The following ADAM22 variants were observed in gnomAD, a reference collection of about 807,000 sequenced individuals.
ADAM22 encodes the protein ADAM metallopeptidase domain 22, also known as disintegrin and metalloproteinase domain-containing protein 22.
Under a neutral mutation model 144.6 loss-of-function variants are expected in ADAM22, and 65 were observed. The ratio of observed to expected loss-of-function variants is 0.45; its 90% confidence interval spans 0.37 to 0.55. The LOEUF (loss-of-function observed/expected upper bound fraction) is 0.55. Among genes scored for constraint, ADAM22 ranks in the 20% least tolerant of loss-of-function variants. The pLI, the probability that ADAM22 is intolerant of heterozygous loss-of-function variation, is 0.00. For synonymous variants in ADAM22, 391 were observed against 412.6 expected, an observed-to-expected ratio of 0.95 and a Z score of 0.63; for missense variants, 974 against 1,184.9, an observed-to-expected ratio of 0.82 and a Z score of 2.61.
In ADAM22 at chr7:87,987,642, C is replaced by A. The variant is rs1302009581; in HGVS notation, c.323+9230C>A. On this transcript the variant is annotated intron_variant, in intron 3 of 31. Transcript: ENST00000413139. The stretch of plus-strand genomic sequence containing the variant: ...AACTATTGGATGAACAAAATCTTTG[C>A]AAGATAAAAGATTCCATTTGAATAA... Among the ~76,000 whole-genome samples, 34 of 152,160 alleles carry A rather than the reference C, an allele frequency of 2.2e-4. 1 individual carries two copies. The highest frequency in any genetic ancestry group is 2.2e-3 in the Admixed American group (34 of 15,270).
At chr7:88,166,921 C>A (rs571074431) in intron 24 of ADAM22, among the ~76,000 whole-genome samples, 22 of 152,210 alleles carry the variant, frequency 1.4e-4, no homozygotes, top group African/African-American at 5.1e-4. Flanking sequence ...GAAGGGGGGG[C>A]AGACATGCTA....
chr7:88,078,842 C>T (rs528514403), intron 4 of ADAM22, among the ~76,000 whole-genome samples: 5 of 152,274 alleles, frequency 3.3e-5, no homozygotes, highest in Admixed American at 2.0e-4. Context: ...AAATATGAGA[C>T]TATGTGAAAA....
intron 3 of ADAM22, among the ~76,000 whole-genome samples, chr7:87,983,498 T>G (rs1854223687): frequency 6.6e-6 from 1 of 152,194 alleles, no homozygotes. Flanking sequence ...GGCACTGATT[T>G]GTGTTGCACC....
At chr7:88,037,133 T>C (rs1475099834) in intron 3 of ADAM22, among the ~76,000 whole-genome samples, 7 of 152,120 alleles carry the variant, frequency 4.6e-5, no homozygotes, top group Non-Finnish European at 1.0e-4. Flanking sequence ...ATTTGCGCAG[T>C]AGAGCCTCTC....
chr7:87,994,269 T>C (rs1584891389), intron 3 of ADAM22, among the ~76,000 whole-genome samples: 2 of 152,114 alleles, frequency 1.3e-5, no homozygotes, highest in South Asian at 2.1e-4. Context: ...CACGCCATTC[T>C]CCTGCCTCAG....
At chr7:88,113,703 A>AATAAATAAATAAATAAATAAATATATAT (rs1554478726) in intron 5 of ADAM22, among the ~76,000 whole-genome samples, 1 of 48,108 alleles carries the variant, frequency 2.1e-5, no homozygotes, top group Non-Finnish European at 3.8e-5. Flanking sequence ...TAAATAAATA[A>AATAAATAAATAAATAAATAAATATATAT]ATATATATAT....
At position 88,114,634 on chromosome 7, in the gene ADAM22, A is replaced by C. The variant is rs1262444135; in HGVS notation, c.524A>C (p.Asn175Thr). ...NHTYLIEPEE[N>T]DTTQEDFHFH... The stretch of plus-strand genomic sequence containing the variant: ...ACATATCTCATTGAGCCAGAAGAAA[A>C]TGACACTACTCAAGTAAGTGCTCCT... Residue 175 changes from asparagine (N) to threonine (T), a missense_variant, in exon 6 of 32, where the codon AAT becomes ACT. Physicochemically the swap from Asn to Thr is moderately conservative, Grantham distance 65. Coordinates refer to ENST00000413139, the MANE Select transcript of ADAM22 (RefSeq NM_001324418.2). 5.6e-6 allele frequency: 9 copies of C among 1,613,826 alleles called. No homozygotes were observed. Among genetic ancestry groups the C allele is most frequent in the Non-Finnish European group, 7.6e-6 (9 of 1,179,888 alleles).
chr7:88,046,087 G>C (rs1804624034), intron 3 of ADAM22, among the ~76,000 whole-genome samples: 1 of 152,120 alleles, frequency 6.6e-6, no homozygotes, highest in African/African-American at 2.4e-5. Flanking sequence ...TACCCAGAAG[G>C]GGGAGTGCTG....
chr7:88,189,982 T>C (rs1410632923), intron 30 of ADAM22, among the ~76,000 whole-genome samples: 3 of 152,004 alleles, frequency 2.0e-5, no homozygotes, highest in Non-Finnish European at 2.9e-5. Context: ...TTCTCCTGGA[T>C]CAACCTACTA....
rs1056902043 is a variant in ADAM22 at position 88,181,976 on chromosome 7, A to G, written c.2615A>G (p.Lys872Arg). 5 of 1,613,690 alleles carry G rather than the reference A, an allele frequency of 3.1e-6. No individual in the cohort carries two copies. In the African/African-American group the frequency reaches 6.7e-5, roughly 22 times the overall value. ...TTTTCAGGTAACCTGGGAGGCAACA[A>G]AAAGAAAATCAGAGGCAAAAGATTT... Reference protein sequence around the residue: ...NSWQGNLGGNKKKIRGKRFRP... With the variant: ...NSWQGNLGGNRKKIRGKRFRP... The change falls in exon 29 of 32, where the codon AAA becomes AGA. Residue 872 changes from lysine (K) to arginine (R), a missense_variant. Lys to Arg is a conservative substitution (Grantham distance 26). This residue lies in a region of ADAM22 where 734 missense variants were observed against 950.6 expected (regional missense o/e 0.77). Transcript: ENST00000413139.
intron 29 of ADAM22, among the ~76,000 whole-genome samples, chr7:88,183,897 A>G (rs566538354): frequency 2.0e-5 from 3 of 151,922 alleles, no homozygotes; most frequent in South Asian, 4.2e-4. Flanking sequence ...GATTCCTGAT[A>G]GGTAGCATAT....
intron 13 of ADAM22, among the ~76,000 whole-genome samples, chr7:88,134,746 G>A (rs544396969): frequency 2.0e-5 from 3 of 152,058 alleles, no homozygotes; most frequent in Admixed American, 6.5e-5. Context: ...GGTTTCAGAC[G>A]TACTGGTTTT....
At chr7:88,138,154 C>G (rs1045813258) in intron 14 of ADAM22, among the ~76,000 whole-genome samples, 3 of 152,052 alleles carry the variant, frequency 2.0e-5, no homozygotes, top group Admixed American at 6.5e-5. Context: ...GATCCTGTCT[C>G]AAATAATAAT....
At chr7:88,161,229 CT>C (rs1841558497) in intron 22 of ADAM22, among the ~76,000 whole-genome samples, 2 of 150,824 alleles carry the variant, frequency 1.3e-5, no homozygotes, top group African/African-American at 4.9e-5. Context: ...AAAGGACTCC[CT>C]ATTCAATAAA....
chr7:88,021,995 C>G (rs1797937107), intron 3 of ADAM22, among the ~76,000 whole-genome samples: 1 of 151,972 alleles, frequency 6.6e-6, no homozygotes, highest in South Asian at 2.1e-4. Flanking sequence ...ATTTCCGCCT[C>G]CCGAATGTTG....
At chr7:88,044,214 T>A (rs915552133) in intron 3 of ADAM22, among the ~76,000 whole-genome samples, 2 of 152,216 alleles carry the variant, frequency 1.3e-5, no homozygotes, top group Admixed American at 1.3e-4. Context: ...ATTCAATTAT[T>A]TGAAGAAAGT....
intron 11 of ADAM22, chr7:88,132,627 T>C (rs1227664005): frequency 1.6e-5 from 6 of 372,584 alleles, no homozygotes; most frequent in Non-Finnish European, 2.5e-5. Context: ...TATCAACCAA[T>C]TATTTTTTAA....
At chr7:88,148,332 C>T (rs1837206017) in intron 17 of ADAM22, among the ~76,000 whole-genome samples, 1 of 152,042 alleles carries the variant, frequency 6.6e-6, no homozygotes, top group South Asian at 2.1e-4. Context: ...ATGAGTACTC[C>T]TGCAATTCAC....
Position 88,163,003 on chromosome 7 carries a change from T to G in ADAM22, c.1908-9T>G. On this transcript the variant is annotated splice_polypyrimidine_tract_variant and intron_variant, in intron 22 of 31. Transcript: ENST00000413139. ...ATAGATTCATTTTTTGCTCTCAATT[T>G]GTTTTTAGTGGTGGGCATGTTAAGC... is the stretch of plus-strand genomic sequence containing the variant. 6.2e-7 allele frequency: 1 copy of G among 1,602,072 alleles called. No homozygotes were observed. The highest frequency in any genetic ancestry group is 8.5e-7 in the Non-Finnish European group (1 of 1,176,388).
Sources: gnomAD v4.1 joint callset for allele counts (sites outside exome capture counted in the v4.1 genomes callset) on GRCh38, gnomAD v4.1.1 for gene constraint, gnomAD v4.1.1 regional missense constraint, MANE v1.5 for transcripts, NCBI Gene and HGNC (gene_info 2026-07-23, HGNC 2026-07-21) for gene names.